Variants in AGBL1 observed in about 807,000 individuals in gnomAD.
AGBL1 encodes AGBL carboxypeptidase 1, also known as cytosolic carboxypeptidase 4.
A neutral mutation model predicts 118.9 loss-of-function variants in AGBL1; 130 were observed. The ratio of observed to expected loss-of-function variants is 1.09; its 90% CI spans 0.95 to 1.26. AGBL1 has a LOEUF of 1.26. Among genes scored for constraint, AGBL1 ranks in the 50% most tolerant of loss-of-function variants. AGBL1 has a pLI of 0.00. For synonymous variants in AGBL1, 555 were observed against 478.9 expected (o/e 1.16, Z -2.08); for missense variants, 1,584 against 1,298.1 (o/e 1.22, Z -3.38).
intron 21 of AGBL1, among the ~76,000 whole-genome samples, chr15:86,666,115 G>T (rs1039072625): frequency 2.6e-5 from 4 of 152,084 alleles, no homozygotes; most frequent in African/African-American, 9.7e-5. Context: ...GTGGTGTTCT[G>T]ATTTCCTATG....
intron 20 of AGBL1, among the ~76,000 whole-genome samples, chr15:86,551,862 T>C (rs916954560): frequency 6.6e-6 from 1 of 152,096 alleles, no homozygotes; most frequent in Non-Finnish European, 1.5e-5. Context: ...TAAATGGATA[T>C]TACTAAGTTA....
chr15:86,782,012 GTTA>G (rs1318986714), intron 22 of AGBL1, among the ~76,000 whole-genome samples: 1 of 151,932 alleles, frequency 6.6e-6, no homozygotes, highest in Non-Finnish European at 1.5e-5. Flanking sequence ...CTGTGGCAGA[GTTA>G]TTATAGATCT....
chr15:86,216,944 T>A (rs567723012), intron 5 of AGBL1, among the ~76,000 whole-genome samples: 1 of 152,194 alleles, frequency 6.6e-6, no homozygotes, highest in Non-Finnish European at 1.5e-5. Context: ...GTACTGGCTG[T>A]CCCCTCAGCT....
chr15:86,921,272 G>T (rs2080479240), intron 23 of AGBL1, among the ~76,000 whole-genome samples: 1 of 152,134 alleles, frequency 6.6e-6, no homozygotes, highest in Non-Finnish European at 1.5e-5. Context: ...CTGTGGATGG[G>T]ACTTCCTCCA....
intron 6 of AGBL1, among the ~76,000 whole-genome samples, chr15:86,243,161 A>G (rs1311305466): frequency 6.6e-6 from 1 of 152,018 alleles, no homozygotes; most frequent in Non-Finnish European, 1.5e-5. Flanking sequence ...TTTCCTCCTG[A>G]TTGTCAAAGT....
At chr15:86,370,145 A>G (rs916317781) in intron 17 of AGBL1, among the ~76,000 whole-genome samples, 6 of 152,202 alleles carry the variant, frequency 3.9e-5, no homozygotes, top group South Asian at 2.1e-4. Flanking sequence ...TGAAAACATT[A>G]CATATAAAAA....
intron 22 of AGBL1, among the ~76,000 whole-genome samples, chr15:86,805,067 G>A (rs2078698168): frequency 6.6e-6 from 1 of 152,008 alleles, no homozygotes; most frequent in African/African-American, 2.4e-5. Flanking sequence ...AATTGCAAAG[G>A]ACTCAAGTGG....
chr15:86,103,107 T>G (rs1896832193), intron 1 of AGBL1, among the ~76,000 whole-genome samples: 1 of 151,988 alleles, frequency 6.6e-6, no homozygotes, highest in Non-Finnish European at 1.5e-5. Flanking sequence ...GTATTTTTTA[T>G]TCATTTAATA....
At chr15:86,487,308 C>T (rs2142135085) in intron 18 of AGBL1, among the ~76,000 whole-genome samples, 1 of 152,192 alleles carries the variant, frequency 6.6e-6, no homozygotes, top group Non-Finnish European at 1.5e-5. Context: ...CTTCATCCTC[C>T]AAGGGCAGCT....
At chr15:86,206,984 TG>T (rs2078004555) in intron 5 of AGBL1, among the ~76,000 whole-genome samples, 1 of 152,256 alleles carries the variant, frequency 6.6e-6, no homozygotes, top group South Asian at 2.1e-4. Context: ...AATTAATTTT[TG>T]TATAAGATAT....
intron 17 of AGBL1, among the ~76,000 whole-genome samples, chr15:86,302,640 G>A (rs999227065): frequency 2.0e-5 from 3 of 151,966 alleles, no homozygotes; most frequent in African/African-American, 4.8e-5. Flanking sequence ...TGAGCCGAAT[G>A]TGGTGGCACG....
intron 20 of AGBL1, among the ~76,000 whole-genome samples, chr15:86,553,433 G>A (rs545164823): frequency 1.3e-5 from 2 of 152,116 alleles, no homozygotes. Flanking sequence ...CCCAAGAAAA[G>A]GTGGAACATA....
intron 21 of AGBL1, among the ~76,000 whole-genome samples, chr15:86,672,513 C>T (rs1291291476): frequency 6.6e-6 from 1 of 152,122 alleles, no homozygotes; most frequent in Non-Finnish European, 1.5e-5. Context: ...GCTCCTGCCC[C>T]CGAGGGCCAG....
Position 86,575,236 on chromosome 15 carries a change from T to G in AGBL1, c.2994+20699T>G, listed in dbSNP as rs192206210. Among the ~76,000 whole-genome samples, 1,489 of 151,706 alleles carry G rather than the reference T, an allele frequency of 9.8e-3. 8 individuals are homozygous for G. The highest frequency in any genetic ancestry group is 0.018 in the South Asian group (86 of 4,778). ...CACATGGGCTGGGTGTGGTGGTGCA[T>G]GTCTGTAATTTCAACACTTTGGGAG... is the stretch of plus-strand genomic sequence containing the variant. On this transcript the variant is annotated intron_variant, in intron 21 of 22. Coordinates refer to ENST00000614907, the MANE Select transcript of AGBL1 (RefSeq NM_001386094.1).
At chr15:86,352,047 C>A (rs1283289426) in intron 17 of AGBL1, among the ~76,000 whole-genome samples, 5 of 152,310 alleles carry the variant, frequency 3.3e-5, no homozygotes, top group African/African-American at 1.2e-4. Context: ...ACACTGGGGG[C>A]TGACCAGTCA....
intron 21 of AGBL1, among the ~76,000 whole-genome samples, chr15:86,672,008 G>C (rs1039736037): frequency 6.6e-6 from 1 of 152,158 alleles, no homozygotes; most frequent in African/African-American, 2.4e-5. Flanking sequence ...GGAGTTCAAG[G>C]CTGCAGTGGG....
chr15:86,285,953 A>T (rs1196866804), intron 16 of AGBL1, among the ~76,000 whole-genome samples: 1 of 152,090 alleles, frequency 6.6e-6, no homozygotes, highest in Non-Finnish European at 1.5e-5. Context: ...CCTTCTGCCT[A>T]ACCTGCTTCC....
At chr15:86,806,845 C>A (rs2078721070) in intron 22 of AGBL1, among the ~76,000 whole-genome samples, 1 of 151,112 alleles carries the variant, frequency 6.6e-6, no homozygotes, top group Non-Finnish European at 1.5e-5. Flanking sequence ...ACTATTTTAT[C>A]TTTTACATCT....
chr15:86,359,194 A>T (rs2080765134), intron 17 of AGBL1, among the ~76,000 whole-genome samples: 1 of 151,646 alleles, frequency 6.6e-6, no homozygotes, highest in Non-Finnish European at 1.5e-5. Flanking sequence ...GTTGATTTTT[A>T]TGTGTGGTTT....
Sources: gnomAD v4.1 joint callset for allele counts (sites outside exome capture counted in the v4.1 genomes callset) on GRCh38, gnomAD v4.1.1 for gene constraint, MANE v1.5 for transcripts, NCBI Gene and HGNC (gene_info 2026-07-23, HGNC 2026-07-21) for gene names.